Variants in ITGA1 observed in about 807,000 individuals in gnomAD.
ITGA1 encodes integrin alpha-1.
ITGA1 carries 85 observed loss-of-function variants against 145.9 expected under a neutral mutation model. The ratio of observed to expected loss-of-function variants is 0.58; its 90% confidence interval spans 0.49 to 0.70. The LOEUF is 0.70. ITGA1 is among the 30% of genes least tolerant of loss of function. The probability of loss-of-function intolerance (pLI) is 0.00; values close to 1 mark genes in which losing one functional copy is unlikely to be tolerated. For missense variants in ITGA1, 1,351 were observed against 1,418.7 expected (o/e 0.95, Z 0.77); for synonymous variants, 520 against 495.3 (o/e 1.05, Z -0.66).
intron 1 of ITGA1, chr5:52,801,851 T>G: frequency 6.4e-7 from 1 of 1,554,720 alleles, no homozygotes; most frequent in East Asian, 2.3e-5. Flanking sequence ...TGATTGAAAC[T>G]TAAAATTGAG....
intron 1 of ITGA1, among the ~76,000 whole-genome samples, chr5:52,805,019 G>A (rs755715559): frequency 3.9e-5 from 6 of 152,044 alleles, no homozygotes; most frequent in Non-Finnish European, 7.4e-5. Context: ...GGCTAGATGT[G>A]GGGAGGACAA....
intron 26 of ITGA1, among the ~76,000 whole-genome samples, chr5:52,940,723 G>C (rs1434637958): frequency 6.6e-6 from 1 of 151,876 alleles, no homozygotes; most frequent in Non-Finnish European, 1.5e-5. Flanking sequence ...ATATGACTTT[G>C]CCATTTTTGA....
chr5:52,915,226 TTTTCCCTC>T, intron 14 of ITGA1, among the ~76,000 whole-genome samples: 1 of 152,212 alleles, frequency 6.6e-6, no homozygotes, highest in East Asian at 1.9e-4. Context: ...ACTATATAAT[TTTTCCCTC>T]TCTCTGGTGT....
chr5:52,952,557 ATG>A lies in ITGA1; in HGVS notation c.*108_*109del, dbSNP rs1178397740. 9 of 469,764 alleles carry A rather than the reference ATG, an allele frequency of 1.9e-5. No individual in the cohort carries two copies. Among genetic ancestry groups the A allele is most frequent in the Non-Finnish European group, 3.0e-5 (8 of 262,998 alleles). The allele number at this position is 469,764 out of a possible 1,614,324, so 29.1% of individuals were successfully genotyped here. A position where few individuals can be genotyped will look rare whatever the true frequency, so the allele number is the denominator to read the frequency against. On this transcript the variant is annotated 3_prime_UTR_variant, in exon 29 of 29. Transcript: ENST00000282588. Reference sequence around the variant, plus strand: ...TAATTCATGACATAGTCATGTAACTATGTAATCCATCAGGGATTCATTACTTG... The same window carrying A: ...TAATTCATGACATAGTCATGTAACTATAATCCATCAGGGATTCATTACTTG...
At position 52,788,128 on chromosome 5, in the gene ITGA1, G is replaced by T; in HGVS notation, c.-226G>T. 1 of 433,370 alleles carries T rather than the reference G, an allele frequency of 2.3e-6. No individual in the cohort carries two copies. Among genetic ancestry groups the T allele is most frequent in the Non-Finnish European group, 4.1e-6 (1 of 243,592 alleles). The allele number at this position is 433,370 out of a possible 1,614,324, so 26.8% of individuals were successfully genotyped here. ...AGACCAAGAGCGCGAAGGGGCGGGC[G>T]ATGTGGCAATCCGTCTGGGATGTGA... On this transcript the variant is annotated 5_prime_UTR_variant, in exon 1 of 29. Coordinates refer to ENST00000282588, the MANE Select transcript of ITGA1 (RefSeq NM_181501.2).
At chr5:52,911,325 G>A (rs1435803103) in intron 14 of ITGA1, among the ~76,000 whole-genome samples, 7 of 132,074 alleles carry the variant, frequency 5.3e-5, no homozygotes, top group African/African-American at 1.1e-4. Flanking sequence ...TATATATAGT[G>A]TATATAGTGT....
intron 26 of ITGA1, among the ~76,000 whole-genome samples, chr5:52,942,562 G>A (rs915066105): frequency 4.9e-5 from 7 of 142,970 alleles, no homozygotes; most frequent in Non-Finnish European, 7.5e-5. Flanking sequence ...ACGGAGTCTC[G>A]CTCTGTCGCC....
At chr5:52,939,103 A>G (rs1751014941) in intron 24 of ITGA1, among the ~76,000 whole-genome samples, 1 of 151,958 alleles carries the variant, frequency 6.6e-6, no homozygotes, top group Admixed American at 6.6e-5. Flanking sequence ...GGGCCTCACC[A>G]TGTTGGCCAG....
chr5:52,839,908 GA>G (rs11352564), intron 1 of ITGA1, among the ~76,000 whole-genome samples: 125,567 of 152,116 alleles, frequency 0.83, 52,177 homozygotes, highest in African/African-American at 0.88. Context: ...CTCATGCTTG[GA>G]ACATGTGTAT....
At chr5:52,884,587 G>T (rs1453058241) in intron 7 of ITGA1, among the ~76,000 whole-genome samples, 1 of 152,156 alleles carries the variant, frequency 6.6e-6, no homozygotes, top group Admixed American at 6.5e-5. Context: ...GAGAGATAGG[G>T]CTCAGCTTTG....
intron 14 of ITGA1, among the ~76,000 whole-genome samples, chr5:52,913,390 A>G (rs189387906): frequency 7.9e-5 from 12 of 152,318 alleles, no homozygotes; most frequent in African/African-American, 2.9e-4. Context: ...CTAAAGGTTT[A>G]TAATTTTCTC....
At chr5:52,828,083 G>T (rs954731973) in intron 1 of ITGA1, among the ~76,000 whole-genome samples, 1 of 151,966 alleles carries the variant, frequency 6.6e-6, no homozygotes, top group Non-Finnish European at 1.5e-5. Context: ...CACCTTTTTG[G>T]CTATTGTGAA....
chr5:52,881,904 C>G lies in ITGA1; in HGVS notation c.656C>G (p.Thr219Ser). 2 of 1,613,698 alleles carry G rather than the reference C, an allele frequency of 1.2e-6. No homozygotes were observed. Among genetic ancestry groups the G allele is most frequent in the Non-Finnish European group, 1.7e-6 (2 of 1,179,780 alleles). Residue 219 changes from threonine (T) to serine (S), a missense_variant, in exon 7 of 29, where the codon ACC (threonine) becomes AGC (serine). By Grantham distance (58) the Thr-to-Ser change is moderately conservative. Coordinates refer to ENST00000282588, the MANE Select transcript of ITGA1 (RefSeq NM_181501.2). ...ATTGTACAGTATGGAGAAAACGTGA[C>G]CCATGAGTTCAACCTCAATAAGTAT... Reference protein sequence around the residue: ...VGIVQYGENVTHEFNLNKYSS... With the variant: ...VGIVQYGENVSHEFNLNKYSS...
chr5:52,879,594 G>A (rs1002133802), intron 6 of ITGA1, among the ~76,000 whole-genome samples: 3 of 151,900 alleles, frequency 2.0e-5, no homozygotes, highest in Non-Finnish European at 4.4e-5. Context: ...TTATGCAGAG[G>A]GTAATAAAAA....
intron 24 of ITGA1, among the ~76,000 whole-genome samples, chr5:52,938,320 GA>G (rs1237162015): frequency 6.6e-6 from 1 of 152,024 alleles, no homozygotes; most frequent in Non-Finnish European, 1.5e-5. Flanking sequence ...TTTTTAGCTT[GA>G]ATGAGACTAT....
At chr5:52,944,419 C>G (rs1035979098) in intron 26 of ITGA1, among the ~76,000 whole-genome samples, 2 of 152,156 alleles carry the variant, frequency 1.3e-5, no homozygotes, top group Non-Finnish European at 1.5e-5. Context: ...CCCTCTTCAG[C>G]CTCAGCATCT....
chr5:52,803,137 G>A, intron 1 of ITGA1: 1 of 152,130 alleles, frequency 6.6e-6, no homozygotes. Flanking sequence ...TCTTTCCTGT[G>A]TCTGTGGGCC....
intron 9 of ITGA1, among the ~76,000 whole-genome samples, chr5:52,894,199 T>TTTTG (rs1180644967): frequency 6.6e-6 from 1 of 152,154 alleles, no homozygotes; most frequent in East Asian, 1.9e-4. Context: ...TTTGGGTTTT[T>TTTTG]TTTGTTTGTT....
rs543570410 is a variant in ITGA1, at chr5:52,822,633, C to T, written c.62-26732C>T. ...AGTCTGTCACTTGGCTCTCCTCCCTCGCCAGTTCGTATTGTAGCCTCTACC... is the reference window on the plus strand; with the variant it reads ...AGTCTGTCACTTGGCTCTCCTCCCTTGCCAGTTCGTATTGTAGCCTCTACC... On this transcript the variant is annotated intron_variant, in intron 1 of 28. Coordinates refer to ENST00000282588, the MANE Select transcript of ITGA1 (RefSeq NM_181501.2). Among the ~76,000 whole-genome samples the T allele has an allele frequency of 1.0e-3, 153 of 152,332 alleles. 1 individual carries two copies. The highest frequency in any genetic ancestry group is 3.5e-3 in the African/African-American group (146 of 41,576).
Sources: allele counts gnomAD v4.1 joint callset (sites outside exome capture counted in the v4.1 genomes callset), GRCh38; gene constraint gnomAD v4.1.1; transcripts MANE v1.5; gene names NCBI Gene and HGNC (gene_info 2026-07-23, HGNC 2026-07-21).